The following FRMPD4 variants were observed in gnomAD, a reference collection of about 807,000 sequenced individuals.
The protein encoded by FRMPD4 is FERM and PDZ domain-containing protein 4.
In FRMPD4, 22 loss-of-function variants were observed where a neutral mutation model predicts 94.1. The ratio of observed to expected loss-of-function variants is 0.23; its 90% CI spans 0.17 to 0.33. FRMPD4 has a LOEUF of 0.33. Among genes scored for constraint, FRMPD4 ranks in the 10% least tolerant of loss-of-function variants. The pLI is 1.00. For missense variants in FRMPD4, 1,111 were observed against 1,339.9 expected, an observed-to-expected ratio of 0.83 and a Z score of 2.67; for synonymous variants, 631 against 548.6, an observed-to-expected ratio of 1.15 and a Z score of -2.10.
chrX:12,273,635 G>A (rs2054387397), intron 1 of FRMPD4, among the ~76,000 whole-genome samples: 1 of 112,085 alleles, frequency 8.9e-6, no homozygotes, highest in Admixed American at 9.5e-5. Flanking sequence ...ATTAGTGGCG[G>A]TGATATTTTA....
chrX:12,673,189 T>C (rs752313827), intron 4 of FRMPD4, among the ~76,000 whole-genome samples: 7 of 112,331 alleles, frequency 6.2e-5, no homozygotes, highest in Non-Finnish European at 1.3e-4. Context: ...GCAGGGCAGA[T>C]AGTTCCACTA....
chrX:12,299,549 T>A (rs769272774), intron 1 of FRMPD4, among the ~76,000 whole-genome samples: 160 of 105,088 alleles, frequency 1.5e-3, no homozygotes, highest in African/African-American at 5.5e-3. Flanking sequence ...TTCTGGAAGT[T>A]ATTTTTCTCT....
chrX:12,514,529 T>G (rs1460257605), intron 2 of FRMPD4, among the ~76,000 whole-genome samples: 1 of 112,440 alleles, frequency 8.9e-6, no homozygotes, highest in East Asian at 2.8e-4. Flanking sequence ...GATTTGCATA[T>G]GTTGAACCAG....
At chrX:12,642,083 A>G (rs1369981863) in intron 4 of FRMPD4, among the ~76,000 whole-genome samples, 1 of 111,220 alleles carries the variant, frequency 9.0e-6, no homozygotes, top group African/African-American at 3.3e-5. Flanking sequence ...AAAAAAAAGT[A>G]TACATTTAAT....
chrX:12,081,301 A>G (rs1173330819), intron 3 of FRMPD4, among the ~76,000 whole-genome samples: 1 of 111,432 alleles, frequency 9.0e-6, no homozygotes, highest in Non-Finnish European at 1.9e-5. Context: ...TCTTTTTTCA[A>G]CTCACATTTT....
At chrX:12,708,253 C>T (rs180985075) in intron 13 of FRMPD4, among the ~76,000 whole-genome samples, 3 of 110,324 alleles carry the variant, frequency 2.7e-5, no homozygotes, top group Admixed American at 9.7e-5. Context: ...GGGCGGATCA[C>T]GAGGTCAAGA....
At chrX:12,068,075 T>G (rs2054936566) in intron 3 of FRMPD4, among the ~76,000 whole-genome samples, 1 of 110,410 alleles carries the variant, frequency 9.1e-6, no homozygotes, top group Non-Finnish European at 1.9e-5. Context: ...GAAGCAGAGG[T>G]GAGAGAGGGA....
chrX:12,402,258 A>G (rs2056617680), intron 1 of FRMPD4, among the ~76,000 whole-genome samples: 4 of 109,877 alleles, frequency 3.6e-5, no homozygotes. Flanking sequence ...CACCCCCCCC[A>G]CAAAAGCAGA....
chrX:12,638,256 G>T lies in FRMPD4; in HGVS notation c.422+23375G>T, dbSNP rs748777137. Among the ~76,000 whole-genome samples the T allele has an allele frequency of 2.8e-4, 31 of 112,161 alleles. No individual in the cohort carries two copies. In the South Asian group the frequency reaches 3.0e-3, roughly 11 times the overall value. ...ATTTAGAAATTAGATGTATATTTTT[G>T]GTTTGTTTTTGTTTTTATTTTTTGA... On this transcript the variant is annotated intron_variant, in intron 4 of 16. Transcript: ENST00000675598.
rs2056665931 is a variant in FRMPD4, at chrX:12,406,282, T to C, written c.42-92398T>C. Among the ~76,000 whole-genome samples, 3 of 112,016 alleles carry C rather than the reference T, an allele frequency of 2.7e-5. No individual in the cohort carries two copies. In the South Asian group the frequency reaches 1.1e-3, roughly 41 times the overall value. ...AACACGCACAGATTTTCAGGAAATT[T>C]TCTGTCTTGTATTTCAAGAAGTATT... On this transcript the variant is annotated intron_variant, in intron 1 of 16. Coordinates refer to ENST00000675598, the MANE Select transcript of FRMPD4 (RefSeq NM_001368397.1).
At chrX:12,575,803 G>T (rs2058806497) in intron 2 of FRMPD4, among the ~76,000 whole-genome samples, 1 of 111,713 alleles carries the variant, frequency 9.0e-6, no homozygotes, top group African/African-American at 3.3e-5. Flanking sequence ...CTTTGAAGAT[G>T]AAAGGGGCCC....
intron 1 of FRMPD4, among the ~76,000 whole-genome samples, chrX:12,344,620 TA>T (rs1446885323): frequency 8.9e-6 from 1 of 112,401 alleles, no homozygotes; most frequent in Non-Finnish European, 1.9e-5. Context: ...TACTAATTAT[TA>T]AAATAGTACT....
intron 1 of FRMPD4, among the ~76,000 whole-genome samples, chrX:12,405,314 A>G (rs900469729): frequency 8.9e-5 from 10 of 111,793 alleles, no homozygotes; most frequent in Non-Finnish European, 1.7e-4. Flanking sequence ...GGGTTGGGGC[A>G]CAGTCAGAAA....
intron 1 of FRMPD4, among the ~76,000 whole-genome samples, chrX:12,348,842 C>A (rs7887011): frequency 0.16 from 17,949 of 111,152 alleles, 1,238 homozygotes; most frequent in African/African-American, 0.25. Context: ...TAATGGGAAA[C>A]AGCAACAACA....
intron 1 of FRMPD4, among the ~76,000 whole-genome samples, chrX:12,271,832 G>T (rs2147845866): frequency 8.9e-6 from 1 of 112,117 alleles, no homozygotes; most frequent in East Asian, 2.8e-4. Context: ...ACTCCCCTGA[G>T]AATCCATTTA....
intron 1 of FRMPD4, among the ~76,000 whole-genome samples, chrX:12,424,125 G>A (rs1210788990): frequency 8.9e-6 from 1 of 112,414 alleles, no homozygotes; most frequent in African/African-American, 3.2e-5. Context: ...GTGAAGAAAT[G>A]ATGGGCAGTA....
intron 3 of FRMPD4, among the ~76,000 whole-genome samples, chrX:11,910,235 A>G (rs1042229697): frequency 3.6e-5 from 4 of 111,826 alleles, no homozygotes; most frequent in Non-Finnish European, 5.6e-5. Context: ...TCAAATTTTT[A>G]TGGTTAAAAT....
chrX:12,678,766 A>G (rs906983435), intron 5 of FRMPD4, among the ~76,000 whole-genome samples: 5 of 112,337 alleles, frequency 4.5e-5, no homozygotes, highest in Non-Finnish European at 7.5e-5. Flanking sequence ...CAGAGGTTGC[A>G]GTGAGCCAAG....
intron 2 of FRMPD4, among the ~76,000 whole-genome samples, chrX:12,537,250 T>C (rs982872508): frequency 1.4e-4 from 16 of 111,170 alleles, no homozygotes; most frequent in Admixed American, 4.8e-4. Flanking sequence ...ATTTGATACA[T>C]TAAAGTTAAA....
Sources: allele counts gnomAD v4.1 joint callset (sites outside exome capture counted in the v4.1 genomes callset), GRCh38; gene constraint gnomAD v4.1.1; transcripts MANE v1.5; gene names NCBI Gene and HGNC (gene_info 2026-07-23, HGNC 2026-07-21).